The following ULK4 variants were observed in gnomAD, a reference collection of about 807,000 sequenced individuals.
The protein encoded by ULK4 is unc-51 like kinase 4.
Under a neutral mutation model 160.6 loss-of-function variants are expected in ULK4, and 133 were observed. The ratio of observed to expected loss-of-function variants is 0.83; its 90% CI spans 0.72 to 0.96. The LOEUF is 0.96. Among genes scored for constraint, ULK4 ranks in the 40% least tolerant of loss-of-function variants. The probability of loss-of-function intolerance (pLI) is 0.00; values close to 1 mark genes in which losing one functional copy is unlikely to be tolerated. For synonymous variants in ULK4, 534 were observed against 539.8 expected (o/e 0.99, Z 0.15); for missense variants, 1,580 against 1,499.5 (o/e 1.05, Z -0.89).
chr3:41,412,624 A>C (rs150658749), intron 34 of ULK4, among the ~76,000 whole-genome samples: 100 of 138,346 alleles, frequency 7.2e-4, no homozygotes, highest in African/African-American at 2.8e-3. Flanking sequence ...GCAGTGTCGC[A>C]ATCTCTGCTT....
At chr3:41,534,516 C>CAAA (rs11381017) in intron 32 of ULK4, among the ~76,000 whole-genome samples, 4,195 of 142,024 alleles carry the variant, frequency 0.03, 127 homozygotes, top group Admixed American at 0.099. Flanking sequence ...AATGTTTAAG[C>CAAA]AAAAAAAAAA....
In ULK4 at chr3:41,912,910, C is replaced by A; in HGVS notation, c.804-11G>T. On this transcript the variant is annotated splice_polypyrimidine_tract_variant and intron_variant, in intron 8 of 36. Coordinates refer to ENST00000301831, the MANE Select transcript of ULK4 (RefSeq NM_017886.4). ...CTTGTCCAAGTCAATCTTTAAAAAA[C>A]ATAAATGTTAAAACTCTACTTTAAC... 1.2e-6 allele frequency: 2 copies of A among 1,613,322 alleles called. No homozygotes were observed. The highest frequency in any genetic ancestry group is 3.3e-5 in the Admixed American group (2 of 59,958).
At position 41,831,019 on chromosome 3, in the gene ULK4, TATTTATTTATTTATTG is replaced by T. The variant is rs2041564445; in HGVS notation, c.1764+4829_1764+4844del. ...GAATGTTTTTATTATTTTTTTTATT[TATTTATTTATTTATTG>T]ATTTATTTATTAGACAGGGTGTTGC... is the stretch of plus-strand genomic sequence containing the variant. On this transcript the variant is annotated intron_variant, in intron 18 of 36. Transcript: ENST00000301831. 3.3e-5 allele frequency among the ~76,000 whole-genome samples: 5 copies of T among 151,428 alleles called. No homozygotes were observed. In the South Asian group the frequency reaches 8.4e-4, roughly 25 times the overall value.
At chr3:41,420,329 A>G (rs965373835) in intron 34 of ULK4, among the ~76,000 whole-genome samples, 5 of 151,882 alleles carry the variant, frequency 3.3e-5, no homozygotes, top group African/African-American at 7.2e-5. Context: ...TTTCATTTAC[A>G]TCATATTTTA....
chr3:41,693,192 T>A (rs150958757), intron 27 of ULK4, among the ~76,000 whole-genome samples: 61 of 152,358 alleles, frequency 4.0e-4, no homozygotes, highest in African/African-American at 1.4e-3. Context: ...TTGGGAAGAC[T>A]GTGTCGAAAC....
At chr3:41,642,348 C>T (rs1038418943) in intron 30 of ULK4, among the ~76,000 whole-genome samples, 1 of 152,044 alleles carries the variant, frequency 6.6e-6, no homozygotes, top group Non-Finnish European at 1.5e-5. Context: ...ACTCCCCCCA[C>T]CCCACAACAG....
chr3:41,864,611 T>C (rs532363471), intron 17 of ULK4, among the ~76,000 whole-genome samples: 402 of 152,226 alleles, frequency 2.6e-3, no homozygotes, highest in Non-Finnish European at 2.7e-3. Flanking sequence ...GAAGCCACTA[T>C]ATATTAGATA....
At chr3:41,662,440 A>T (rs1266461529) in intron 30 of ULK4, among the ~76,000 whole-genome samples, 1 of 152,164 alleles carries the variant, frequency 6.6e-6, no homozygotes, top group Non-Finnish European at 1.5e-5. Flanking sequence ...GTCACCAGTG[A>T]CTCAGTCACG....
At chr3:41,704,472 T>C (rs890580188) in intron 27 of ULK4, among the ~76,000 whole-genome samples, 1 of 152,182 alleles carries the variant, frequency 6.6e-6, no homozygotes, top group Non-Finnish European at 1.5e-5. Context: ...TCTGGGGACC[T>C]TTCTGCAGAA....
intron 35 of ULK4, among the ~76,000 whole-genome samples, chr3:41,356,040 T>A (rs1437176672): frequency 2.0e-5 from 3 of 152,216 alleles, no homozygotes; most frequent in Admixed American, 1.3e-4. Flanking sequence ...CACAAAATTA[T>A]AACTTATTTA....
At chr3:41,644,619 A>G (rs1214560903) in intron 30 of ULK4, among the ~76,000 whole-genome samples, 8 of 152,228 alleles carry the variant, frequency 5.3e-5, no homozygotes, top group African/African-American at 1.9e-4. Flanking sequence ...GGATTTTTGC[A>G]TCAGTGTTCA....
chr3:41,780,704 C>T (rs1161720291), intron 21 of ULK4, among the ~76,000 whole-genome samples: 1 of 152,186 alleles, frequency 6.6e-6, no homozygotes, highest in African/African-American at 2.4e-5. Context: ...GCCATAGCTT[C>T]CAGAGTTTCC....
chr3:41,592,484 G>A (rs549987041), intron 31 of ULK4, among the ~76,000 whole-genome samples: 1 of 152,146 alleles, frequency 6.6e-6, no homozygotes, highest in Non-Finnish European at 1.5e-5. Context: ...CAGGTGATGG[G>A]TGCACCAAAA....
intron 31 of ULK4, among the ~76,000 whole-genome samples, chr3:41,567,256 C>T (rs1392136368): frequency 6.6e-6 from 1 of 151,868 alleles, no homozygotes; most frequent in Non-Finnish European, 1.5e-5. Flanking sequence ...CCTATCCTCA[C>T]ATAAATAGAC....
chr3:41,729,094 C>A (rs116178387), intron 22 of ULK4, among the ~76,000 whole-genome samples: 2 of 152,076 alleles, frequency 1.3e-5, no homozygotes, highest in African/African-American at 4.8e-5. Context: ...TGAAGGAGAA[C>A]GCTGAAGTAC....
At chr3:41,541,066 G>A (rs1436634968) in intron 32 of ULK4, among the ~76,000 whole-genome samples, 1 of 152,106 alleles carries the variant, frequency 6.6e-6, no homozygotes, top group Non-Finnish European at 1.5e-5. Context: ...CGCTTTTGTT[G>A]CCATTGCTTT....
intron 32 of ULK4, among the ~76,000 whole-genome samples, chr3:41,493,038 G>T: frequency 8.6e-6 from 1 of 116,424 alleles, no homozygotes; most frequent in Admixed American, 9.5e-5. Flanking sequence ...AAGTTAACAA[G>T]GATATACAGG....
chr3:41,772,083 G>T (rs2039404604), intron 21 of ULK4, among the ~76,000 whole-genome samples: 1 of 152,028 alleles, frequency 6.6e-6, no homozygotes, highest in Admixed American at 6.6e-5. Flanking sequence ...TGTGTAGAGG[G>T]AAGTTTATAG....
chr3:41,639,856 C>A (rs1222925577), intron 30 of ULK4, among the ~76,000 whole-genome samples: 1 of 151,694 alleles, frequency 6.6e-6, no homozygotes, highest in Non-Finnish European at 1.5e-5. Flanking sequence ...GATATTTTTT[C>A]AAAAAATTAG....
Sources: allele counts gnomAD v4.1 joint callset (sites outside exome capture counted in the v4.1 genomes callset), GRCh38; gene constraint gnomAD v4.1.1; transcripts MANE v1.5; gene names NCBI Gene and HGNC (gene_info 2026-07-23, HGNC 2026-07-21).